Variants in KCNIP4 observed in about 807,000 individuals in gnomAD.
KCNIP4 encodes the protein Kv channel-interacting protein 4.
In KCNIP4, 12 loss-of-function variants were observed where a neutral mutation model predicts 34.0. The observed-to-expected ratio is 0.35, with a 90% CI of 0.23 to 0.57. The LOEUF (loss-of-function observed/expected upper bound fraction) is 0.57. KCNIP4 is among the 20% of genes least tolerant of loss of function. The pLI is 0.83. For missense variants in KCNIP4, 238 were observed against 311.7 expected (o/e 0.76, Z 1.78); for synonymous variants, 124 against 102.2 (o/e 1.21, Z -1.29).
At chr4:21,617,842 T>TTTTA (rs1744710054) in intron 1 of KCNIP4, among the ~76,000 whole-genome samples, 1 of 152,120 alleles carries the variant, frequency 6.6e-6, no homozygotes, top group Non-Finnish European at 1.5e-5. Flanking sequence ...TGATCATTTG[T>TTTTA]TTTAAACTCT....
intron 1 of KCNIP4, among the ~76,000 whole-genome samples, chr4:21,614,803 T>C (rs1744461498): frequency 6.6e-6 from 1 of 152,138 alleles, no homozygotes; most frequent in Non-Finnish European, 1.5e-5. Flanking sequence ...GAATCCGTTT[T>C]AGGACACCTA....
At chr4:21,452,429 G>C (rs1029247116) in intron 1 of KCNIP4, among the ~76,000 whole-genome samples, 6 of 151,980 alleles carry the variant, frequency 3.9e-5, no homozygotes, top group Non-Finnish European at 8.8e-5. Context: ...TGGGTTGGGG[G>C]CTTGGGCTCT....
chr4:21,732,203 C>A (rs1715658333), intron 1 of KCNIP4, among the ~76,000 whole-genome samples: 1 of 151,822 alleles, frequency 6.6e-6, no homozygotes, highest in African/African-American at 2.4e-5. Flanking sequence ...AATAATTATT[C>A]TTCATTAACT....
At chr4:21,831,967 T>C (rs545187121) in intron 1 of KCNIP4, among the ~76,000 whole-genome samples, 44 of 152,144 alleles carry the variant, frequency 2.9e-4, no homozygotes, top group African/African-American at 1.1e-3. Context: ...AAATCCCTGA[T>C]GAACCTAGAT....
At chr4:21,301,696 C>T (rs544846001) in intron 1 of KCNIP4, among the ~76,000 whole-genome samples, 1 of 152,012 alleles carries the variant, frequency 6.6e-6, no homozygotes, top group Non-Finnish European at 1.5e-5. Context: ...CATTGCTTAT[C>T]CTTCTATTAA....
chr4:21,510,081 A>AAAAAG (rs1378925472), intron 1 of KCNIP4, among the ~76,000 whole-genome samples: 2 of 148,604 alleles, frequency 1.3e-5, no homozygotes, highest in African/African-American at 4.9e-5. Flanking sequence ...CCATCTCCAA[A>AAAAAG]AAAAAAAAAA....
At chr4:21,817,811 T>C (rs977617969) in intron 1 of KCNIP4, among the ~76,000 whole-genome samples, 1 of 152,122 alleles carries the variant, frequency 6.6e-6, no homozygotes, top group African/African-American at 2.4e-5. Flanking sequence ...CGAACCCTGT[T>C]TTCTGTTGTT....
chr4:21,741,606 T>C (rs1716406865), intron 1 of KCNIP4, among the ~76,000 whole-genome samples: 1 of 152,184 alleles, frequency 6.6e-6, no homozygotes. Context: ...AATCCAGTAG[T>C]CTTAGTTTTA....
intron 2 of KCNIP4, among the ~76,000 whole-genome samples, chr4:20,852,717 C>A (rs1458607700): frequency 6.6e-6 from 1 of 152,104 alleles, no homozygotes; most frequent in African/African-American, 2.4e-5. Flanking sequence ...GATTGTTTAC[C>A]TTGAAAACCC....
intron 1 of KCNIP4, among the ~76,000 whole-genome samples, chr4:21,642,153 A>G (rs578148741): frequency 6.6e-6 from 1 of 152,344 alleles, no homozygotes; most frequent in East Asian, 1.9e-4. Flanking sequence ...AAATTACTTC[A>G]TAGTAAACAA....
chr4:21,269,927 A>G lies in KCNIP4; in HGVS notation c.62-387218T>C, dbSNP rs919952611. ...GGTTTTGGATGTGAGCTAAAAAGAA[A>G]GACAGTTTGGCGAAAGATCCTAAAC... On this transcript the variant is annotated intron_variant, in intron 1 of 8. Coordinates refer to ENST00000382152, the MANE Select transcript of KCNIP4 (RefSeq NM_025221.6). Among the ~76,000 whole-genome samples the G allele has an allele frequency of 7.2e-5, 11 of 152,318 alleles. 1 individual carries two copies. In the South Asian group the frequency reaches 1.2e-3, roughly 17 times the overall value.
intron 1 of KCNIP4, among the ~76,000 whole-genome samples, chr4:21,208,322 T>C (rs1228045872): frequency 6.6e-6 from 1 of 152,188 alleles, no homozygotes; most frequent in Non-Finnish European, 1.5e-5. Flanking sequence ...TCACCAGCCA[T>C]AGGCACAATG....
intron 1 of KCNIP4, among the ~76,000 whole-genome samples, chr4:21,152,503 A>ATT (rs936603083): frequency 1.5e-4 from 22 of 144,182 alleles, no homozygotes; most frequent in African/African-American, 4.8e-4. Context: ...AATACAAGCC[A>ATT]TTTTTTTTTT....
chr4:21,556,930 A>AAAAAAAAAAAAAAACAAAAC (rs1553903108), intron 1 of KCNIP4, among the ~76,000 whole-genome samples: 1 of 108,190 alleles, frequency 9.2e-6, no homozygotes, highest in Non-Finnish European at 2.0e-5. Context: ...CAGAAAAAAA[A>AAAAAAAAAAAAAAACAAAAC]AAAAAAAAAA....
intron 1 of KCNIP4, among the ~76,000 whole-genome samples, chr4:21,838,499 C>T (rs1253793030): frequency 6.6e-6 from 1 of 152,192 alleles, no homozygotes; most frequent in African/African-American, 2.4e-5. Flanking sequence ...AATGAAATAA[C>T]TTCCTTAGTG....
At chr4:21,106,411 G>A (rs1389871082) in intron 1 of KCNIP4, among the ~76,000 whole-genome samples, 1 of 151,640 alleles carries the variant, frequency 6.6e-6, no homozygotes, top group Non-Finnish European at 1.5e-5. Flanking sequence ...TTCTCTGATG[G>A]TAGTTTGTAT....
At chr4:21,504,236 G>T (rs564151057) in intron 1 of KCNIP4, among the ~76,000 whole-genome samples, 93 of 152,194 alleles carry the variant, frequency 6.1e-4, no homozygotes, top group African/African-American at 2.1e-3. Context: ...GGTAGGCCAA[G>T]GCGGGTGGAT....
intron 1 of KCNIP4, among the ~76,000 whole-genome samples, chr4:21,381,702 A>G (rs1280800267): frequency 1.3e-5 from 2 of 152,168 alleles, no homozygotes; most frequent in Non-Finnish European, 2.9e-5. Flanking sequence ...CATTATAACC[A>G]TGTCAGTGGG....
At chr4:20,781,100 G>T (rs148075167) in intron 3 of KCNIP4, among the ~76,000 whole-genome samples, 80 of 152,080 alleles carry the variant, frequency 5.3e-4, no homozygotes, top group African/African-American at 1.8e-3. Context: ...AGGATATATT[G>T]GTTTATTTTA....
Sources: gnomAD v4.1 joint callset for allele counts (sites outside exome capture counted in the v4.1 genomes callset) on GRCh38, gnomAD v4.1.1 for gene constraint, MANE v1.5 for transcripts, NCBI Gene and HGNC (gene_info 2026-07-23, HGNC 2026-07-21) for gene names.